Variants in RAD54L2 observed in about 807,000 individuals in gnomAD.
The protein encoded by RAD54L2 is helicase ARIP4.
Under a neutral mutation model 138.4 loss-of-function variants are expected in RAD54L2, and 27 were observed. The ratio of observed to expected loss-of-function variants is 0.20; its 90% CI spans 0.14 to 0.27. The LOEUF is 0.27. RAD54L2 is among the 10% of genes least tolerant of loss of function. The pLI is 1.00. For missense variants in RAD54L2, 1,396 were observed against 1,890.2 expected, an observed-to-expected ratio of 0.74 and a Z score of 4.85; for synonymous variants, 644 against 723.2, an observed-to-expected ratio of 0.89 and a Z score of 1.76.
At chr3:51,579,797 T>G (rs1411081554) in intron 2 of RAD54L2, among the ~76,000 whole-genome samples, 1 of 152,236 alleles carries the variant, frequency 6.6e-6, no homozygotes, top group Admixed American at 6.5e-5. Context: ...GTTTACCGGT[T>G]GTGTTGAAAT....
In RAD54L2 at chr3:51,633,402, A is replaced by G. The variant is rs948998634; in HGVS notation, c.826-175A>G. ...ATCCTTTTCTGTTTTTTCCAAGAGG[A>G]CTGTCACCAGCAAATAGATCAGTCA... On this transcript the variant is annotated intron_variant, in intron 7 of 22. Coordinates refer to ENST00000684192, the MANE Select transcript of RAD54L2 (RefSeq NM_015106.4). 2.0e-5 allele frequency among the ~76,000 whole-genome samples: 3 copies of G among 152,166 alleles called. No individual in the cohort carries two copies. The South Asian group carries it at 6.2e-4, about 32-fold the overall frequency.
At chr3:51,578,209 A>C (rs1234660447) in intron 2 of RAD54L2, among the ~76,000 whole-genome samples, 11 of 140,984 alleles carry the variant, frequency 7.8e-5, no homozygotes, top group African/African-American at 2.7e-4. Context: ...TTATAATCTG[A>C]AACAGTTTTT....
At chr3:51,580,543 G>A (rs994884454) in intron 2 of RAD54L2, among the ~76,000 whole-genome samples, 8 of 152,068 alleles carry the variant, frequency 5.3e-5, no homozygotes, top group Non-Finnish European at 1.2e-4. Flanking sequence ...GGTCTTTCCA[G>A]TCCCATCCTG....
intron 7 of RAD54L2, among the ~76,000 whole-genome samples, chr3:51,632,806 C>G (rs1002970345): frequency 6.6e-6 from 1 of 150,508 alleles, no homozygotes; most frequent in Non-Finnish European, 1.5e-5. Flanking sequence ...GCAGGAGAAT[C>G]ACTTGAACCG....
chr3:51,551,949 A>G (rs1168459784), intron 2 of RAD54L2, among the ~76,000 whole-genome samples: 2 of 151,216 alleles, frequency 1.3e-5, no homozygotes, highest in Non-Finnish European at 2.9e-5. Context: ...GTGGGGTTTC[A>G]CTATGTTGGC....
At chr3:51,606,565 T>C (rs1001035490) in intron 3 of RAD54L2, among the ~76,000 whole-genome samples, 1 of 152,202 alleles carries the variant, frequency 6.6e-6, no homozygotes, top group African/African-American at 2.4e-5. Context: ...CTCTTTTCAT[T>C]GTTCCTTTTC....
At chr3:51,555,373 A>C (rs1202682342) in intron 2 of RAD54L2, among the ~76,000 whole-genome samples, 6 of 151,580 alleles carry the variant, frequency 4.0e-5, no homozygotes, top group African/African-American at 1.5e-4. Context: ...AGCACTCTGA[A>C]AGGCCAAAGT....
At position 51,635,639 on chromosome 3, in the gene RAD54L2, G is replaced by A; in HGVS notation, c.1189G>A (p.Gly397Ser). 1 of 1,613,410 alleles carries A rather than the reference G, an allele frequency of 6.2e-7. No homozygotes were observed. Among genetic ancestry groups the A allele is most frequent in the South Asian group, 1.1e-5 (1 of 90,978 alleles). The change falls in exon 10 of 23, where the codon GGT becomes AGT. Residue 397 changes from glycine to serine, a missense_variant. Physicochemically the swap from Gly to Ser is moderately conservative, Grantham distance 56. This residue lies in a region of RAD54L2 where 169 missense variants were observed against 235.6 expected (regional missense o/e 0.72). Transcript: ENST00000684192. ...AKVMADWVSE[G>S]GVLLMGYEMY... ...AGTGATGGCTGATTGGGTGTCAGAG[G>A]GTGGCGTGCTGCTGATGGGGTACGA... is the stretch of plus-strand genomic sequence containing the variant.
intron 2 of RAD54L2, among the ~76,000 whole-genome samples, chr3:51,553,356 G>A (rs1357609842): frequency 2.0e-5 from 3 of 152,282 alleles, no homozygotes; most frequent in South Asian, 2.1e-4. Flanking sequence ...GATTACAGGC[G>A]TGAGCCACTG....
rs554476232 is a variant in RAD54L2 at position 51,636,254 on chromosome 3, A to G, written c.1339+465A>G. Among the ~76,000 whole-genome samples, 25 of 152,304 alleles carry G rather than the reference A, an allele frequency of 1.6e-4. No homozygotes were observed. In the South Asian group the frequency reaches 5.2e-3, roughly 32 times the overall value. On this transcript the variant is annotated intron_variant, in intron 10 of 22. Coordinates refer to ENST00000684192, the MANE Select transcript of RAD54L2 (RefSeq NM_015106.4). ...CCTGTCATAGTTCTAATTCTACTCCATCTTCTAAGGGGCCTTTGCTCATTT... is the reference window on the plus strand; with the variant it reads ...CCTGTCATAGTTCTAATTCTACTCCGTCTTCTAAGGGGCCTTTGCTCATTT...
rs1328774980 is a variant in RAD54L2, at chr3:51,639,885, A to G, written c.2117A>G (p.Lys706Arg). Residue 706 changes from lysine (K) to arginine (R), a missense_variant, in exon 14 of 23, where the codon AAG (lysine) becomes AGG (arginine). Physicochemically the swap from Lys to Arg is conservative, Grantham distance 26. Around this residue, in one of 7 missense-constraint regions of RAD54L2, gnomAD observed 211 missense variants for 273.8 expected, o/e 0.77. Coordinates refer to ENST00000684192, the MANE Select transcript of RAD54L2 (RefSeq NM_015106.4). ...TGCCTTGTTTCTCTCTTGCAGGCCAAGGACCTTCTGACTAATTACCAGACT... is the reference window on the plus strand; with the variant it reads ...TGCCTTGTTTCTCTCTTGCAGGCCAGGGACCTTCTGACTAATTACCAGACT... ...GNNIVTYEWA[K>R]DLLTNYQTGV... 1.2e-6 allele frequency: 2 copies of G among 1,600,096 alleles called. No homozygotes were observed. The highest frequency in any genetic ancestry group is 1.7e-6 in the Non-Finnish European group (2 of 1,169,570).
At position 51,663,193 on chromosome 3, in the gene RAD54L2, G is replaced by A. The variant is rs769872434; in HGVS notation, c.4177G>A (p.Glu1393Lys). ...CCCATTCTCACAGCCACTCCTGTCC[G>A]AGCCGAGGATGTTTGCGCCTTTTCC... ...SLPFSQPLLS[E>K]PRMFAPFPSP... Residue 1393 changes from glutamate to lysine, a missense_variant, in exon 23 of 23, where the codon GAG (glutamate) becomes AAG (lysine). By Grantham distance (56) the Glu-to-Lys change is moderately conservative. Around this residue, in one of 7 missense-constraint regions of RAD54L2, gnomAD observed 634 missense variants for 711.2 expected, o/e 0.89. Coordinates refer to ENST00000684192, the MANE Select transcript of RAD54L2 (RefSeq NM_015106.4). 54 of 1,613,818 alleles carry A rather than the reference G, an allele frequency of 3.3e-5. No individual in the cohort carries two copies. Among genetic ancestry groups the A allele is most frequent in the South Asian group, 5.5e-5 (5 of 91,090 alleles).
At chr3:51,540,340 C>G (rs987334906) in intron 1 of RAD54L2, among the ~76,000 whole-genome samples, 7 of 152,214 alleles carry the variant, frequency 4.6e-5, no homozygotes, top group Admixed American at 4.6e-4. Context: ...ACTCTCATTT[C>G]AGCATCCTTG....
rs1034384996 is a variant in RAD54L2, at chr3:51,666,510, C to G, written c.*3090C>G. On this transcript the variant is annotated 3_prime_UTR_variant, in exon 23 of 23. Coordinates refer to ENST00000684192, the MANE Select transcript of RAD54L2 (RefSeq NM_015106.4). Reference sequence around the variant, plus strand: ...AATGTTTTCAAGGGCCTCTCAAGCCCCATTCATCTGGTTTAGCCAAGTTCT... The same window carrying G: ...AATGTTTTCAAGGGCCTCTCAAGCCGCATTCATCTGGTTTAGCCAAGTTCT... 1 of 152,086 alleles carries G rather than the reference C, an allele frequency of 6.6e-6. No individual in the cohort carries two copies. The allele number at this position is 152,086 out of a possible 1,614,324, so 9.4% of individuals were successfully genotyped here. A position where few individuals can be genotyped will look rare whatever the true frequency, so the allele number is the denominator to read the frequency against.
At chr3:51,640,161 AT>A (rs1249085667) in intron 14 of RAD54L2, among the ~76,000 whole-genome samples, 162 bp downstream of exon 14, 1 of 152,112 alleles carries the variant, frequency 6.6e-6, no homozygotes, top group South Asian at 2.1e-4. Context: ...GCCCAATTTG[AT>A]TTCTCCACAG....
chr3:51,623,131 C>T (rs1450060101), intron 3 of RAD54L2, among the ~76,000 whole-genome samples: 1 of 152,214 alleles, frequency 6.6e-6, no homozygotes, highest in Non-Finnish European at 1.5e-5. Flanking sequence ...GGAGAGGCAA[C>T]AGTGGCTGGT....
At position 51,633,974 on chromosome 3, in the gene RAD54L2, A is replaced by G. The variant is rs746129258; in HGVS notation, c.1081A>G (p.Asn361Asp). Residue 361 changes from asparagine to aspartate, a missense_variant, in exon 9 of 23, where the codon AAC becomes GAC. This residue lies in a region of RAD54L2 where 169 missense variants were observed against 235.6 expected (regional missense o/e 0.72). Transcript: ENST00000684192. Reference protein sequence around the residue: ...LPPPEALPADNKPEEVQPRFF... With the variant: ...LPPPEALPADDKPEEVQPRFF... The stretch of plus-strand genomic sequence containing the variant: ...ACCTCCTGAAGCCCTCCCGGCTGAC[A>G]ACAAGCCTGAAGAAGTCCAGCCTCG... 1 of 1,613,984 alleles carries G rather than the reference A, an allele frequency of 6.2e-7. No homozygotes were observed. The highest frequency in any genetic ancestry group is 2.2e-5 in the East Asian group (1 of 44,884).
Position 51,662,319 on chromosome 3 carries a change from G to A in RAD54L2, c.3410-107G>A, listed in dbSNP as rs886896082. 2 of 1,052,018 alleles carry A rather than the reference G, an allele frequency of 1.9e-6. No homozygotes were observed. Among genetic ancestry groups the A allele is most frequent in the Non-Finnish European group, 2.6e-6 (2 of 758,830 alleles). 65.2% of individuals were successfully genotyped at this position (1,052,018 alleles called of 1,614,324 possible). A position where few individuals can be genotyped will look rare whatever the true frequency, so the allele number is the denominator to read the frequency against. Reference sequence around the variant, plus strand: ...ATGTTGTTCAGACATCAAACTATTAGAATTTTGGGGACTACAGGACAGGAT... The same window carrying A: ...ATGTTGTTCAGACATCAAACTATTAAAATTTTGGGGACTACAGGACAGGAT... On this transcript the variant is annotated intron_variant, in intron 22 of 22. Transcript: ENST00000684192. The surrounding 1 kb of genome is among the most constrained non-coding windows in gnomAD (Gnocchi z 4.6).
chr3:51,561,493 C>T (rs993892819), intron 2 of RAD54L2, among the ~76,000 whole-genome samples: 1 of 152,226 alleles, frequency 6.6e-6, no homozygotes, highest in African/African-American at 2.4e-5. Flanking sequence ...GATCTGCCCG[C>T]CTCTGCCTCC....
Sources: allele counts gnomAD v4.1 joint callset (sites outside exome capture counted in the v4.1 genomes callset), GRCh38; gene constraint gnomAD v4.1.1; regional missense constraint gnomAD v4.1.1; non-coding constraint Gnocchi (gnomAD v3.1); transcripts MANE v1.5; gene names NCBI Gene and HGNC (gene_info 2026-07-23, HGNC 2026-07-21).